DGKB: variants seen among roughly 807,000 people sequenced by gnomAD.
The protein encoded by DGKB is 90 kDa diacylglycerol kinase.
Under a neutral mutation model 114.3 loss-of-function variants are expected in DGKB, and 67 were observed. The observed-to-expected ratio is 0.59, with a 90% CI of 0.48 to 0.72. DGKB has a LOEUF of 0.72. Ranked by LOEUF, DGKB falls within the 30% of genes least tolerant of loss-of-function variation. The probability of loss-of-function intolerance (pLI) is 0.00; values close to 1 mark genes in which losing one functional copy is unlikely to be tolerated. For synonymous variants in DGKB, 398 were observed against 323.1 expected (o/e 1.23, Z -2.49); for missense variants, 907 against 975.2 (o/e 0.93, Z 0.93).
At chr7:14,951,400 T>C (rs547528184) in intron 1 of DGKB, among the ~76,000 whole-genome samples, 1 of 151,892 alleles carries the variant, frequency 6.6e-6, no homozygotes, top group Admixed American at 6.6e-5. Flanking sequence ...AAGATGCCAA[T>C]CTGTGAAGAC....
intron 1 of DGKB, among the ~76,000 whole-genome samples, chr7:14,911,719 A>G (rs948129727): frequency 6.6e-6 from 1 of 152,330 alleles, no homozygotes; most frequent in Admixed American, 6.5e-5. Context: ...TAGCTATAGG[A>G]AAAGCATCTG....
At chr7:14,613,831 C>A (rs79581065) in intron 15 of DGKB, among the ~76,000 whole-genome samples, 1,701 of 152,078 alleles carry the variant, frequency 0.011, 33 homozygotes, top group African/African-American at 0.038. Context: ...ACGCAGGAGT[C>A]CTAATTGAGA....
intron 13 of DGKB, among the ~76,000 whole-genome samples, chr7:14,645,329 T>G (rs1427435784): frequency 6.6e-6 from 1 of 152,146 alleles, no homozygotes; most frequent in Admixed American, 6.5e-5. Flanking sequence ...ATCCTTGAAC[T>G]GCAGGAGCAA....
At chr7:14,393,200 A>C (rs1273279990) in intron 21 of DGKB, among the ~76,000 whole-genome samples, 1 of 151,512 alleles carries the variant, frequency 6.6e-6, no homozygotes, top group East Asian at 1.9e-4. Context: ...CGTGTAAGCC[A>C]GGATGGTCTC....
chr7:14,712,461 C>T (rs1351115666), intron 6 of DGKB, among the ~76,000 whole-genome samples: 3 of 152,102 alleles, frequency 2.0e-5, no homozygotes, highest in East Asian at 3.9e-4. Context: ...TATTTGAGGT[C>T]AGGAGTTCAA....
At chr7:14,807,557 G>T (rs978401739) in intron 2 of DGKB, among the ~76,000 whole-genome samples, 1 of 151,938 alleles carries the variant, frequency 6.6e-6, no homozygotes, top group African/African-American at 2.4e-5. Context: ...ATTAACTATG[G>T]TGTCAAATCA....
At chr7:14,230,195 T>G (rs1791497110) in intron 23 of DGKB, among the ~76,000 whole-genome samples, 1 of 152,050 alleles carries the variant, frequency 6.6e-6, no homozygotes, top group African/African-American at 2.4e-5. Context: ...TGCAATAAAC[T>G]GAAGTACTTT....
At chr7:14,963,378 G>T (rs1012016541) in intron 1 of DGKB, among the ~76,000 whole-genome samples, 2 of 152,084 alleles carry the variant, frequency 1.3e-5, no homozygotes, top group African/African-American at 4.8e-5. Context: ...GTGCACATTT[G>T]TTCCTTTGAT....
intron 1 of DGKB, among the ~76,000 whole-genome samples, chr7:14,950,772 C>T (rs1786152676): frequency 6.6e-6 from 1 of 151,790 alleles, no homozygotes; most frequent in Non-Finnish European, 1.5e-5. Flanking sequence ...GATAACAAAA[C>T]TAGACAAAGA....
At chr7:14,453,950 G>A (rs147450662) in intron 21 of DGKB, among the ~76,000 whole-genome samples, 30 of 152,178 alleles carry the variant, frequency 2.0e-4, no homozygotes, top group African/African-American at 7.2e-4. Context: ...TGTCTTTTTT[G>A]AAGGGAGTAC....
intron 1 of DGKB, among the ~76,000 whole-genome samples, chr7:14,946,592 A>T (rs576777931): frequency 6.6e-6 from 1 of 151,872 alleles, no homozygotes; most frequent in South Asian, 2.1e-4. Context: ...ACACACATAC[A>T]CACAAATATC....
chr7:14,206,719 G>T (rs1786885696), intron 23 of DGKB, among the ~76,000 whole-genome samples: 1 of 152,014 alleles, frequency 6.6e-6, no homozygotes, highest in Non-Finnish European at 1.5e-5. Context: ...CGTATATCCT[G>T]GTTGCCTCAT....
chr7:14,692,176 C>CA (rs556410397), intron 9 of DGKB, among the ~76,000 whole-genome samples: 352 of 151,176 alleles, frequency 2.3e-3, no homozygotes, highest in Middle Eastern at 0.01. Context: ...CAGTAGTTTC[C>CA]AAAAAAAATC....
At chr7:14,783,944 C>CT (rs1374346141) in intron 2 of DGKB, among the ~76,000 whole-genome samples, 1 of 152,042 alleles carries the variant, frequency 6.6e-6, no homozygotes, top group Non-Finnish European at 1.5e-5. Flanking sequence ...CTGTTAAATA[C>CT]TTAAAATTGA....
At chr7:14,151,168 G>T (rs1782137510) in intron 25 of DGKB, among the ~76,000 whole-genome samples, 1 of 151,982 alleles carries the variant, frequency 6.6e-6, no homozygotes, top group Non-Finnish European at 1.5e-5. Context: ...AGAACATTAA[G>T]AGCTAAAGTA....
chr7:14,787,984 G>T (rs1840134291), intron 2 of DGKB, among the ~76,000 whole-genome samples: 1 of 152,210 alleles, frequency 6.6e-6, no homozygotes, highest in African/African-American at 2.4e-5. Context: ...GGCACATAGG[G>T]CCTGGCCAAG....
At chr7:14,383,254 A>G (rs1191513108) in intron 21 of DGKB, among the ~76,000 whole-genome samples, 2 of 151,826 alleles carry the variant, frequency 1.3e-5, no homozygotes, top group Non-Finnish European at 2.9e-5. Flanking sequence ...TTTAGGGGGG[A>G]CTGATGCCTG....
At position 14,304,046 on chromosome 7, in the gene DGKB, A is replaced by AACACACACACAC. The variant is rs773102280; in HGVS notation, c.2122+34457_2122+34468dup. 1.1e-3 allele frequency among the ~76,000 whole-genome samples: 121 copies of AACACACACACAC among 112,710 alleles called. 1 individual carries two copies. Among genetic ancestry groups the AACACACACACAC allele is most frequent in the African/African-American group, 3.6e-3 (103 of 28,826 alleles). 73.9% of individuals were successfully genotyped at this position (112,710 alleles called of 152,430 possible). A position where few individuals can be genotyped will look rare whatever the true frequency, so the allele number is the denominator to read the frequency against. On this transcript the variant is annotated intron_variant, in intron 23 of 25. Transcript: ENST00000402815. ...TATTATACACCATTTGTTCTTATAG[A>AACACACACACAC]ACACACACACACACACACACACACA...
At chr7:14,901,881 T>C (rs192300928) in intron 1 of DGKB, among the ~76,000 whole-genome samples, 1 of 152,144 alleles carries the variant, frequency 6.6e-6, no homozygotes, top group Non-Finnish European at 1.5e-5. Flanking sequence ...TTTCTGCCAG[T>C]GAACACAATG....
Sources: gnomAD v4.1 joint callset for allele counts (sites outside exome capture counted in the v4.1 genomes callset) on GRCh38, gnomAD v4.1.1 for gene constraint, MANE v1.5 for transcripts, NCBI Gene and HGNC (gene_info 2026-07-23, HGNC 2026-07-21) for gene names.